Variants in ANO3 observed in about 807,000 individuals in gnomAD.
ANO3 encodes anoctamin 3.
Under a neutral mutation model 144.8 loss-of-function variants are expected in ANO3, and 99 were observed. That is an observed-to-expected ratio of 0.68 (90% CI 0.58 to 0.81). ANO3 has a LOEUF of 0.81. Among genes scored for constraint, ANO3 ranks in the 30% least tolerant of loss-of-function variants. The probability of loss-of-function intolerance (pLI) is 0.00; values close to 1 mark genes in which losing one functional copy is unlikely to be tolerated. For missense variants in ANO3, 905 were observed against 1,202.2 expected, an observed-to-expected ratio of 0.75 and a Z score of 3.66; for synonymous variants, 414 against 392.6, an observed-to-expected ratio of 1.05 and a Z score of -0.64.
At chr11:26,215,937 C>A (rs1454451474) in intron 1 of ANO3, among the ~76,000 whole-genome samples, 2 of 151,880 alleles carry the variant, frequency 1.3e-5, no homozygotes, top group African/African-American at 4.8e-5. Flanking sequence ...AACCCATACC[C>A]CCATTCAAAA....
Position 26,464,104 on chromosome 11 carries a change from A to G in ANO3, c.432+956A>G, listed in dbSNP as rs538810042. Among the ~76,000 whole-genome samples, 13 of 151,980 alleles carry G rather than the reference A, an allele frequency of 8.6e-5. No individual in the cohort carries two copies. The South Asian group carries it at 2.7e-3, about 32-fold the overall frequency. On this transcript the variant is annotated intron_variant, in intron 4 of 26. Coordinates refer to ENST00000256737, the MANE Select transcript of ANO3 (RefSeq NM_031418.4). ...AATTTTGCAAATATCTTTATTAGTC[A>G]CCCACCAGTGTGTTAGTAAATAAAT...
At chr11:26,403,898 T>G (rs1393190921) in intron 1 of ANO3, among the ~76,000 whole-genome samples, 1 of 151,892 alleles carries the variant, frequency 6.6e-6, no homozygotes, top group Admixed American at 6.6e-5. Flanking sequence ...TCCCAGATAT[T>G]TGTGTGCTTT....
At chr11:26,316,074 T>C (rs1272440330) in intron 1 of ANO3, among the ~76,000 whole-genome samples, 1 of 152,208 alleles carries the variant, frequency 6.6e-6, no homozygotes, top group Non-Finnish European at 1.5e-5. Flanking sequence ...GGTATGTGTT[T>C]GTGGCTGCAT....
At chr11:26,630,554 C>A (rs1385236204) in intron 18 of ANO3, among the ~76,000 whole-genome samples, 1 of 65,476 alleles carries the variant, frequency 1.5e-5, no homozygotes, top group Non-Finnish European at 4.4e-5. Context: ...TTTATTATCA[C>A]ACAGTTTTAT....
chr11:26,475,061 A>AAT (rs1565046907), intron 4 of ANO3, among the ~76,000 whole-genome samples: 1 of 151,976 alleles, frequency 6.6e-6, no homozygotes, highest in Non-Finnish European at 1.5e-5. Flanking sequence ...TAGATAAACT[A>AAT]GAGAACCTAT....
chr11:26,341,539 A>T (rs1855359343), intron 1 of ANO3, among the ~76,000 whole-genome samples: 1 of 152,190 alleles, frequency 6.6e-6, no homozygotes, highest in Admixed American at 6.5e-5. Context: ...TAAAAAGGAG[A>T]AATTTCTATT....
intron 1 of ANO3, among the ~76,000 whole-genome samples, chr11:26,338,914 T>C (rs568716181): frequency 2.0e-5 from 3 of 152,240 alleles, no homozygotes; most frequent in Non-Finnish European, 1.5e-5. Context: ...ATTCTTGAAG[T>C]CAGCGAGACC....
chr11:26,541,523 C>T (rs1231572927), intron 10 of ANO3, among the ~76,000 whole-genome samples: 1 of 152,018 alleles, frequency 6.6e-6, no homozygotes, highest in Non-Finnish European at 1.5e-5. Flanking sequence ...TTACTCTCTT[C>T]CTTAGCTTAT....
intron 1 of ANO3, among the ~76,000 whole-genome samples, chr11:26,396,495 A>C (rs1042555990): frequency 6.6e-6 from 1 of 152,156 alleles, no homozygotes; most frequent in East Asian, 1.9e-4. Context: ...ACGTGCACAC[A>C]TATGTTTATT....
chr11:26,380,246 A>G (rs1856553347), intron 1 of ANO3, among the ~76,000 whole-genome samples: 1 of 152,154 alleles, frequency 6.6e-6, no homozygotes, highest in Non-Finnish European at 1.5e-5. Context: ...AGTGCTAGTT[A>G]TTATTCTTAT....
At chr11:26,194,439 G>GTGT (rs1851538720) in intron 1 of ANO3, among the ~76,000 whole-genome samples, 2 of 60,584 alleles carry the variant, frequency 3.3e-5, no homozygotes, top group Non-Finnish European at 7.0e-5. Flanking sequence ...GGTACATAGT[G>GTGT]GTGTGTGTGT....
At position 26,542,018 on chromosome 11, in the gene ANO3, C is replaced by G. The variant is rs772151573; in HGVS notation, c.1104C>G (p.Arg368=). The part of the protein sequence containing the change: ...PQNNRHLLYE[R]WARWGMWYKH... ...ATAACAGACATCTATTATATGAGCG[C>G]TGGGCACGCTGGGGAATGTGGTATA... The change falls in exon 11 of 27, where the codon CGC becomes CGG. Residue 368 remains arginine, a synonymous_variant. Transcript: ENST00000256737. The G allele has an allele frequency of 1.4e-5, 22 of 1,612,750 alleles. No individual in the cohort carries two copies. The African/African-American group carries it at 2.9e-4, about 22-fold the overall frequency.
intron 1 of ANO3, among the ~76,000 whole-genome samples, chr11:26,394,776 A>G (rs912554716): frequency 1.3e-5 from 2 of 151,886 alleles, no homozygotes; most frequent in East Asian, 3.9e-4. Context: ...GGGTTTCACC[A>G]TGTTGGCCAG....
At chr11:26,364,020 AT>A (rs1238556169) in intron 1 of ANO3, among the ~76,000 whole-genome samples, 1 of 152,146 alleles carries the variant, frequency 6.6e-6, no homozygotes, top group Non-Finnish European at 1.5e-5. Context: ...GGGTACATTA[AT>A]TTGTGATATT....
At chr11:26,266,953 G>A (rs544396151) in intron 1 of ANO3, among the ~76,000 whole-genome samples, 116 of 151,274 alleles carry the variant, frequency 7.7e-4, no homozygotes, top group Middle Eastern at 3.4e-3. Context: ...TTAGCCAGGC[G>A]TGGTGGTGGG....
intron 7 of ANO3, among the ~76,000 whole-genome samples, chr11:26,530,332 C>T (rs1201494889): frequency 6.6e-6 from 1 of 152,110 alleles, no homozygotes; most frequent in East Asian, 1.9e-4. Flanking sequence ...GTCTACCACA[C>T]TTATGACTTC....
chr11:26,561,065 C>CGAAGTGGAGG, intron 14 of ANO3: 1 of 1,607,644 alleles, frequency 6.2e-7, no homozygotes, highest in South Asian at 1.1e-5. Context: ...GCTGTTAGTT[C>CGAAGTGGAGG]TATACAGAAG....
chr11:26,470,608 G>A (rs1388310357), intron 4 of ANO3, among the ~76,000 whole-genome samples: 4 of 151,814 alleles, frequency 2.6e-5, no homozygotes, highest in African/African-American at 7.3e-5. Flanking sequence ...AACTATTTAA[G>A]GATAATAGGA....
chr11:26,497,397 C>T (rs1031496794), intron 4 of ANO3, among the ~76,000 whole-genome samples: 3 of 151,900 alleles, frequency 2.0e-5, no homozygotes, highest in African/African-American at 4.8e-5. Context: ...ATTGCTAGGT[C>T]AATTAGTTCT....
Sources: gnomAD v4.1 joint callset for allele counts (sites outside exome capture counted in the v4.1 genomes callset) on GRCh38, gnomAD v4.1.1 for gene constraint, MANE v1.5 for transcripts, NCBI Gene and HGNC (gene_info 2026-07-23, HGNC 2026-07-21) for gene names.